Variants in FAM151B observed in about 807,000 individuals in gnomAD.
FAM151B encodes the protein family with sequence similarity 151 member B, also known as protein FAM151B.
Under a neutral mutation model 31.2 loss-of-function variants are expected in FAM151B, and 24 were observed. The observed-to-expected ratio is 0.77, with a 90% CI of 0.56 to 1.08. The LOEUF (loss-of-function observed/expected upper bound fraction) is 1.08, where lower values mean the gene tolerates loss of function less well. FAM151B is among the 50% of genes least tolerant of loss of function. FAM151B has a pLI of 0.00. For missense variants in FAM151B, 293 were observed against 328.6 expected (o/e 0.89, Z 0.84); for synonymous variants, 105 against 111.4 (o/e 0.94, Z 0.36).
chr5:80,534,806 A>G (rs541300132), intron 5 of FAM151B, among the ~76,000 whole-genome samples: 8 of 152,324 alleles, frequency 5.3e-5, no homozygotes, highest in African/African-American at 1.9e-4. Flanking sequence ...TTGGAAAGGA[A>G]GAAGTCAAAT....
intron 1 of FAM151B, among the ~76,000 whole-genome samples, chr5:80,493,172 C>T (rs1743385553): frequency 6.6e-6 from 1 of 152,010 alleles, no homozygotes; most frequent in Admixed American, 6.6e-5. Flanking sequence ...AGTCAGGGAC[C>T]CCGAATGAAG....
At chr5:80,529,632 A>G (rs1456326628) in intron 5 of FAM151B, among the ~76,000 whole-genome samples, 1 of 152,226 alleles carries the variant, frequency 6.6e-6, no homozygotes, top group Non-Finnish European at 1.5e-5. Context: ...AAACGAGAAA[A>G]TCTAGAAGAA....
chr5:80,529,427 CA>C lies in FAM151B; in HGVS notation c.671+7295del, dbSNP rs1346430906. 5.3e-5 allele frequency among the ~76,000 whole-genome samples: 8 copies of C among 151,756 alleles called. No individual in the cohort carries two copies. The East Asian group carries it at 5.8e-4, about 11-fold the overall frequency. The stretch of plus-strand genomic sequence containing the variant: ...GGAGATAGAGACACAAAAAACCCTT[CA>C]AAAAAGCAATGAATCCAGGAGCTGG... On this transcript the variant is annotated intron_variant, in intron 5 of 5. Coordinates refer to ENST00000282226, the MANE Select transcript of FAM151B (RefSeq NM_205548.3).
chr5:80,512,918 G>T (rs1744248094), intron 2 of FAM151B, among the ~76,000 whole-genome samples: 1 of 151,968 alleles, frequency 6.6e-6, no homozygotes, highest in Admixed American at 6.6e-5. Context: ...TAGGGATTTT[G>T]ATTTTCTGGG....
intron 3 of FAM151B, among the ~76,000 whole-genome samples, chr5:80,518,063 C>T (rs910647506): frequency 7.1e-6 from 1 of 140,952 alleles, no homozygotes; most frequent in Admixed American, 7.5e-5. Context: ...CAGGGCGAAA[C>T]TCCATCTCAA....
intron 2 of FAM151B, among the ~76,000 whole-genome samples, chr5:80,505,674 G>A (rs565456706): frequency 3.3e-5 from 5 of 151,152 alleles, no homozygotes; most frequent in South Asian, 2.1e-4. Context: ...GATTACAGGC[G>A]TGAGCCACCG....
At chr5:80,520,394 C>A (rs572421061) in intron 4 of FAM151B, among the ~76,000 whole-genome samples, 2 of 151,924 alleles carry the variant, frequency 1.3e-5, no homozygotes, top group African/African-American at 2.4e-5. Flanking sequence ...CCTGTAATCA[C>A]CACACTTCGG....
intron 2 of FAM151B, among the ~76,000 whole-genome samples, chr5:80,502,495 G>A (rs1305439223): frequency 1.3e-5 from 2 of 152,070 alleles, no homozygotes; most frequent in African/African-American, 2.4e-5. Context: ...AAATAATTGG[G>A]CAATATTTAT....
At chr5:80,502,649 GAGAA>G (rs1258972319) in intron 2 of FAM151B, among the ~76,000 whole-genome samples, 1 of 152,170 alleles carries the variant, frequency 6.6e-6, no homozygotes, top group East Asian at 1.9e-4. Flanking sequence ...AGCAGGAAAG[GAGAA>G]AGAAAGCATA....
At chr5:80,513,874 T>C in intron 3 of FAM151B, 105 bp downstream of exon 3, 1 of 1,132,754 alleles carries the variant, frequency 8.8e-7, no homozygotes, top group Non-Finnish European at 1.2e-6. Flanking sequence ...TTGTAGACTC[T>C]AATATATTTC....
At chr5:80,494,461 TTTCTTTCTTTCTTTC>T (rs1743439324) in intron 1 of FAM151B, among the ~76,000 whole-genome samples, 5 of 43,548 alleles carry the variant, frequency 1.1e-4, no homozygotes, top group African/African-American at 4.3e-4. Flanking sequence ...CTTTCTTTTC[TTTCTTTCTTTCTTTC>T]TTTCTTTCTT....
At position 80,494,443 on chromosome 5, in the gene FAM151B, TTTTCTTTCTTTCTTTTC is replaced by T. The variant is rs1313275590; in HGVS notation, c.25+6311_25+6327del. Reference sequence around the variant, plus strand: ...TTTCTTTCTTTCTGTCTTTCTTTCTTTTTCTTTCTTTCTTTTCTTTCTTTCTTTCTTTCTTTCTTTCT... The same window carrying T: ...TTTCTTTCTTTCTGTCTTTCTTTCTTTTTCTTTCTTTCTTTCTTTCTTTCT... On this transcript the variant is annotated intron_variant, in intron 1 of 5. Transcript: ENST00000282226. Among the ~76,000 whole-genome samples the T allele has an allele frequency of 2.7e-4, 23 of 84,390 alleles. 1 individual carries two copies. Among genetic ancestry groups the T allele is most frequent in the Admixed American group, 2.7e-3 (18 of 6,638 alleles). The allele number at this position is 84,390 out of a possible 152,430, so 55.4% of individuals were successfully genotyped here. A position where few individuals can be genotyped will look rare whatever the true frequency, so the allele number is the denominator to read the frequency against.
At chr5:80,513,465 G>A in intron 2 of FAM151B, 139 bp from the exon 3 acceptor site, 1 of 741,900 alleles carries the variant, frequency 1.3e-6, no homozygotes, top group Non-Finnish European at 2.1e-6. Flanking sequence ...TATACTGCCT[G>A]GCATGGGATA....
chr5:80,500,165 G>A (rs1743691616), intron 1 of FAM151B, among the ~76,000 whole-genome samples: 2 of 152,016 alleles, frequency 1.3e-5, no homozygotes, highest in South Asian at 4.1e-4. Flanking sequence ...GAAAAATAGT[G>A]TATGATCTCA....
At chr5:80,538,021 T>G (rs1745600735) in intron 5 of FAM151B, among the ~76,000 whole-genome samples, 1 of 151,986 alleles carries the variant, frequency 6.6e-6, no homozygotes, top group African/African-American at 2.4e-5. Context: ...AGAGTAAATG[T>G]AAATATAGCA....
At chr5:80,495,260 A>G (rs191098557) in intron 1 of FAM151B, 4 of 152,354 alleles carry the variant, frequency 2.6e-5, no homozygotes, top group African/African-American at 7.2e-5. Context: ...GCTTGCATCT[A>G]TTCTGCAGCC....
At chr5:80,506,129 C>T (rs767577960) in intron 2 of FAM151B, 4 of 984,922 alleles carry the variant, frequency 4.1e-6, no homozygotes, top group Non-Finnish European at 4.8e-6. Flanking sequence ...ATTTGTAGCT[C>T]CAGGGGTGCA....
chr5:80,521,628 A>G (rs1744725849), intron 4 of FAM151B, among the ~76,000 whole-genome samples: 1 of 152,206 alleles, frequency 6.6e-6, no homozygotes, highest in Non-Finnish European at 1.5e-5. Context: ...AAAAATAGGA[A>G]ATCCAAGTTT....
At chr5:80,492,364 T>A (rs1170850160) in intron 1 of FAM151B, among the ~76,000 whole-genome samples, 1 of 152,208 alleles carries the variant, frequency 6.6e-6, no homozygotes, top group Non-Finnish European at 1.5e-5. Context: ...AATACTACTA[T>A]AATAATTGTT....
Sources: allele counts gnomAD v4.1 joint callset (sites outside exome capture counted in the v4.1 genomes callset), GRCh38; gene constraint gnomAD v4.1.1; transcripts MANE v1.5; gene names NCBI Gene and HGNC (gene_info 2026-07-23, HGNC 2026-07-21).